Variants in GAK observed in about 807,000 individuals in gnomAD.
GAK encodes the protein cyclin-G-associated kinase.
In GAK, 79 loss-of-function variants were observed where a neutral mutation model predicts 143.9. That is an observed-to-expected ratio of 0.55 (90% confidence interval 0.46 to 0.66). GAK has a LOEUF of 0.66. GAK is among the 30% of genes least tolerant of loss of function. The pLI is 0.00. For missense variants in GAK, 1,693 were observed against 1,779.7 expected (o/e 0.95, Z 0.88); for synonymous variants, 881 against 765.5 (o/e 1.15, Z -2.49).
intron 9 of GAK, among the ~76,000 whole-genome samples, chr4:891,899 T>C (rs1472760788): frequency 6.6e-6 from 1 of 151,792 alleles, no homozygotes; most frequent in Non-Finnish European, 1.5e-5. Context: ...TGACATCAAC[T>C]CTCCCGCCTC....
chr4:910,916 G>A (rs1237818795), intron 4 of GAK, among the ~76,000 whole-genome samples: 1 of 152,174 alleles, frequency 6.6e-6, no homozygotes, highest in African/African-American at 2.4e-5. Flanking sequence ...CTGAGGCACA[G>A]GTCTTGTTTC....
chr4:913,842 A>G (rs1326428557), intron 1 of GAK, 174 bp from the exon 2 acceptor site: 10 of 524,664 alleles, frequency 1.9e-5, no homozygotes, highest in East Asian at 3.7e-5. Flanking sequence ...CCCAGCATAC[A>G]TGCCCCCACA....
chr4:926,587 G>T (rs762005037), intron 1 of GAK, among the ~76,000 whole-genome samples: 1 of 152,174 alleles, frequency 6.6e-6, no homozygotes, highest in Non-Finnish European at 1.5e-5. Context: ...GACCATGCTC[G>T]GCAAATACGA....
At chr4:849,796 AGCGCC>A in intron 27 of GAK, 22 bp from the exon 28 acceptor site, 1 of 1,604,072 alleles carries the variant, frequency 6.2e-7, no homozygotes, top group Non-Finnish European at 8.5e-7. Context: ...AGGCGGTGTA[AGCGCC>A]TCTTATAAGC....
chr4:875,934 C>G (rs1013110330), intron 18 of GAK, among the ~76,000 whole-genome samples: 1 of 152,134 alleles, frequency 6.6e-6, no homozygotes, highest in African/African-American at 2.4e-5. Flanking sequence ...GAGCGAGACT[C>G]TGTCTCAAAA....
chr4:899,051 T>C (rs940381133), intron 5 of GAK, among the ~76,000 whole-genome samples: 4 of 152,078 alleles, frequency 2.6e-5, no homozygotes, highest in Admixed American at 1.3e-4. Flanking sequence ...AGCAACGCAG[T>C]GACTCAGCCC....
chr4:861,663 A>G (rs940099803), intron 23 of GAK, among the ~76,000 whole-genome samples: 8 of 152,242 alleles, frequency 5.3e-5, no homozygotes, highest in African/African-American at 1.9e-4. Context: ...ATGCAAAGGA[A>G]AAGTTCCTGA....
chr4:857,602 G>T (rs1369363192), intron 24 of GAK, among the ~76,000 whole-genome samples: 2 of 152,156 alleles, frequency 1.3e-5, no homozygotes, highest in African/African-American at 4.8e-5. Flanking sequence ...AGAGGCGCCT[G>T]CACCCGTGAC....
intron 10 of GAK, among the ~76,000 whole-genome samples, chr4:890,076 C>G (rs1198037458): frequency 4.6e-5 from 7 of 152,248 alleles, no homozygotes; most frequent in Non-Finnish European, 7.3e-5. Context: ...CCTTCATTCC[C>G]AGCTCCTGGG....
intron 9 of GAK, 124 bp from the exon 10 acceptor site, chr4:890,746 G>A (rs1577189845): frequency 2.9e-6 from 2 of 699,978 alleles, no homozygotes; most frequent in South Asian, 1.8e-5. Flanking sequence ...CTATGACACA[G>A]TGCAAGGGAG....
intron 1 of GAK, among the ~76,000 whole-genome samples, chr4:921,275 G>T (rs912531159): frequency 8.5e-5 from 13 of 152,230 alleles, no homozygotes; most frequent in Middle Eastern, 3.4e-3. Flanking sequence ...GCTAATTTTT[G>T]TATTTTTAGT....
Position 904,690 on chromosome 4 carries a change from C to A in GAK, c.472G>T (p.Ala158Ser), listed in dbSNP as rs143423428. ...VLKIFYQTCR[A>S]VQHMHRQKPP... The stretch of plus-strand genomic sequence containing the variant: ...TTCTGCCGGTGCATGTGCTGCACGG[C>A]GCGGCACGTCTGGTAGAAGATCTTC... Residue 158 changes from alanine (A) to serine (S), a missense_variant, in exon 5 of 28, where the codon GCC becomes TCC. Transcript: ENST00000314167. 16 of 1,613,332 alleles carry A rather than the reference C, an allele frequency of 9.9e-6. No homozygotes were observed. The highest frequency in any genetic ancestry group is 4.0e-5 in the African/African-American group (3 of 74,914).
intron 14 of GAK, 24 bp downstream of exon 14, chr4:882,673 C>G (rs1461118299): frequency 6.2e-7 from 1 of 1,607,754 alleles, no homozygotes; most frequent in Non-Finnish European, 8.5e-7. Context: ...GAAGACGGCG[C>G]CAGCCCACGG....
intron 4 of GAK, among the ~76,000 whole-genome samples, chr4:905,233 T>C (rs1043792408): frequency 1.3e-5 from 2 of 151,898 alleles, no homozygotes; most frequent in Admixed American, 6.6e-5. Context: ...CACCGTGGAG[T>C]GTACTTTTGT....
At chr4:930,969 G>A (rs1401991680) in intron 1 of GAK, among the ~76,000 whole-genome samples, 1 of 152,186 alleles carries the variant, frequency 6.6e-6, no homozygotes, top group Non-Finnish European at 1.5e-5. Context: ...TGAGGGTGAG[G>A]GCTTTTGTGT....
intron 11 of GAK, chr4:886,851 G>C (rs1352459410): frequency 6.6e-6 from 1 of 152,314 alleles, no homozygotes; most frequent in African/African-American, 2.4e-5. Context: ...GCGTCACAGA[G>C]GAGGTGCCCA....
Position 859,223 on chromosome 4 carries a change from C to CG in GAK, c.3283+382dup. 2.5e-6 allele frequency: 3 copies of CG among 1,188,148 alleles called. No homozygotes were observed. In the South Asian group the frequency reaches 4.6e-5, roughly 18 times the overall value. 73.6% of individuals were successfully genotyped at this position (1,188,148 alleles called of 1,614,324 possible). The stretch of plus-strand genomic sequence containing the variant: ...GACGCAGGACTGGAGAGGGTGGGCT[C>CG]GGTTCTTGTGGCCGACAGCTAGCAC... On this transcript the variant is annotated intron_variant, in intron 24 of 27. Coordinates refer to ENST00000314167, the MANE Select transcript of GAK (RefSeq NM_005255.4).
At chr4:917,410 A>G (rs1723246803) in intron 1 of GAK, among the ~76,000 whole-genome samples, 2 of 152,238 alleles carry the variant, frequency 1.3e-5, no homozygotes, top group Non-Finnish European at 2.9e-5. Context: ...CTATAGTAAC[A>G]GAAGGCCAAT....
chr4:875,646 T>G (rs1050222529), intron 18 of GAK, among the ~76,000 whole-genome samples: 4 of 152,244 alleles, frequency 2.6e-5, no homozygotes, highest in African/African-American at 9.6e-5. Context: ...TTTGTTCCAC[T>G]GTGTCTTGGC....
Sources: allele counts gnomAD v4.1 joint callset (sites outside exome capture counted in the v4.1 genomes callset), GRCh38; gene constraint gnomAD v4.1.1; transcripts MANE v1.5; gene names NCBI Gene and HGNC (gene_info 2026-07-23, HGNC 2026-07-21).